Variants in RP1 observed in about 807,000 individuals in gnomAD.
RP1 encodes the protein RP1 axonemal microtubule associated, also known as oxygen-regulated protein 1.
A neutral mutation model predicts 14.8 loss-of-function variants in RP1; 16 were observed. The ratio of observed to expected loss-of-function variants is 1.08; its 90% CI spans 0.73 to 1.65. RP1 has a LOEUF of 1.65. RP1 is among the 40% of genes most tolerant of loss of function. The pLI, the probability that RP1 is intolerant of heterozygous loss-of-function variation, is 0.00. For missense variants in RP1, 2,631 were observed against 2,535.0 expected, an observed-to-expected ratio of 1.04 and a Z score of -0.81; for synonymous variants, 876 against 883.6, an observed-to-expected ratio of 0.99 and a Z score of 0.15.
At chr8:54,777,757 G>A (rs974048230) in intron 23 of RP1, among the ~76,000 whole-genome samples, 10 of 152,096 alleles carry the variant, frequency 6.6e-5, no homozygotes, top group African/African-American at 1.9e-4. Context: ...AGAATAATCT[G>A]TCTTGTTTAC....
At chr8:54,652,688 C>T (rs909071892) in intron 4 of RP1, 3 of 777,212 alleles carry the variant, frequency 3.9e-6, no homozygotes, top group African/African-American at 1.7e-5. Flanking sequence ...AATGAATTGA[C>T]CCCTTTATCA....
At chr8:54,763,241 T>C (rs983867451) in intron 22 of RP1, among the ~76,000 whole-genome samples, 1 of 152,232 alleles carries the variant, frequency 6.6e-6, no homozygotes, top group African/African-American at 2.4e-5. Context: ...GCATCTATCT[T>C]TTAATAGAAA....
exon 24 of RP1, chr8:54,783,565 C>A: frequency 8.1e-7 from 1 of 1,231,410 alleles, no homozygotes; most frequent in Non-Finnish European, 1.0e-6. Flanking sequence ...TGGAAGGTGA[C>A]CATTGTCACT....
At chr8:54,780,888 G>A (rs966523373) in intron 23 of RP1, 5 of 982,566 alleles carry the variant, frequency 5.1e-6, no homozygotes, top group African/African-American at 1.7e-5. Context: ...CTGATTGCAC[G>A]TGGTTGCATG....
At chr8:54,600,693 C>T (rs75450537) in intron 1 of RP1, among the ~76,000 whole-genome samples, 8,142 of 152,164 alleles carry the variant, frequency 0.054, 704 homozygotes, top group African/African-American at 0.18. Context: ...TATGGTGAGG[C>T]CTGGGTATTT....
At chr8:54,673,800 T>C in intron 7 of RP1, 1 of 1,390,170 alleles carries the variant, frequency 7.2e-7, no homozygotes, top group Non-Finnish European at 9.8e-7. Context: ...ACTATTGGTA[T>C]AAATCAGAGT....
chr8:54,580,908 C>T (rs1422917743), intron 1 of RP1, among the ~76,000 whole-genome samples: 3 of 152,192 alleles, frequency 2.0e-5, no homozygotes, highest in Admixed American at 6.5e-5. Flanking sequence ...TGAGCAACTG[C>T]GCCTGGCCCA....
chr8:54,853,068 C>G (rs1812092289), intron 26 of RP1, among the ~76,000 whole-genome samples: 1 of 152,114 alleles, frequency 6.6e-6, no homozygotes, highest in Admixed American at 6.5e-5. Context: ...GCTTGAGGGC[C>G]CAAGATCCTG....
At chr8:54,685,664 GA>G (rs1188077427) in intron 12 of RP1, among the ~76,000 whole-genome samples, 1 of 152,054 alleles carries the variant, frequency 6.6e-6, no homozygotes, top group African/African-American at 2.4e-5. Context: ...AACATGATGA[GA>G]TTTTTTTTTT....
chr8:54,747,176 A>C (rs6986494), intron 19 of RP1, among the ~76,000 whole-genome samples: 10 of 151,038 alleles, frequency 6.6e-5, no homozygotes, highest in Non-Finnish European at 1.3e-4. Context: ...CTTCTTTTTC[A>C]CCCCCCTCAG....
chr8:54,566,444 C>T (rs867040900), intron 1 of RP1, among the ~76,000 whole-genome samples: 10 of 152,136 alleles, frequency 6.6e-5, no homozygotes, highest in African/African-American at 1.4e-4. Flanking sequence ...GGGCAGCTCA[C>T]GTTTTTGGGG....
chr8:54,686,622 A>G (rs1807569705), intron 12 of RP1, among the ~76,000 whole-genome samples: 1 of 152,096 alleles, frequency 6.6e-6, no homozygotes, highest in East Asian at 1.9e-4. Flanking sequence ...CAATACTGTA[A>G]CAACATTGAC....
intron 21 of RP1, among the ~76,000 whole-genome samples, chr8:54,758,606 C>T (rs1008704227): frequency 2.0e-5 from 3 of 152,158 alleles, no homozygotes; most frequent in African/African-American, 7.2e-5. Context: ...TAATGAGCTG[C>T]TTCTCAGAGT....
chr8:54,813,491 G>A (rs1214370804), intron 24 of RP1, among the ~76,000 whole-genome samples: 1 of 152,128 alleles, frequency 6.6e-6, no homozygotes, highest in East Asian at 1.9e-4. Flanking sequence ...GGATACTGCT[G>A]GCCTACTGAA....
chr8:54,811,470 A>G (rs576146869), intron 24 of RP1, among the ~76,000 whole-genome samples: 3 of 152,320 alleles, frequency 2.0e-5, no homozygotes, highest in Admixed American at 2.0e-4. Flanking sequence ...ATACCTGCAC[A>G]GCCCCCTCTT....
At chr8:54,647,425 A>T (rs942254097) in intron 3 of RP1, among the ~76,000 whole-genome samples, 3 of 152,174 alleles carry the variant, frequency 2.0e-5, no homozygotes, top group African/African-American at 7.2e-5. Flanking sequence ...AAAAAAATAA[A>T]AATAAAAAAT....
At chr8:54,847,145 CAG>C (rs1713086453) in intron 25 of RP1, among the ~76,000 whole-genome samples, 1 of 151,840 alleles carries the variant, frequency 6.6e-6, no homozygotes, top group Non-Finnish European at 1.5e-5. Context: ...GGGAAGGAGA[CAG>C]AGGGGAGGGA....
Position 54,629,108 on chromosome 8 carries a change from C to A in RP1, c.5226C>A (p.Asp1742Glu). 1.2e-6 allele frequency: 2 copies of A among 1,614,116 alleles called. No individual in the cohort carries two copies. ...ACATAGAGGAAGGAGTACTGATTGA[C>A]AAAGGCAAATGGCTTCTGAAAGAAA... ...LTDIEEGVLI[D>E]KGKWLLKENH... The change falls in exon 4 of 4, where the codon GAC becomes GAA. Residue 1742 changes from aspartate (D) to glutamate (E), a missense_variant. By Grantham distance (45) the Asp-to-Glu change is conservative. Coordinates refer to ENST00000220676, the MANE Select transcript of RP1 (RefSeq NM_006269.2).
intron 1 of RP1, among the ~76,000 whole-genome samples, chr8:54,599,173 T>C (rs576267214): frequency 9.2e-5 from 14 of 152,304 alleles, no homozygotes; most frequent in South Asian, 6.2e-4. Flanking sequence ...TTGGGTAATT[T>C]CTATTGTACT....
Sources: allele counts gnomAD v4.1 joint callset (sites outside exome capture counted in the v4.1 genomes callset), GRCh38; gene constraint gnomAD v4.1.1; transcripts MANE v1.5; gene names NCBI Gene and HGNC (gene_info 2026-07-23, HGNC 2026-07-21).